The following ANKRD6 variants were observed in gnomAD, a reference collection of about 807,000 sequenced individuals.
The protein encoded by ANKRD6 is ankyrin repeat domain 6, also known as ankyrin repeat domain-containing protein 6.
In ANKRD6, 56 loss-of-function variants were observed where a neutral mutation model predicts 82.3. The observed-to-expected ratio is 0.68, with a 90% CI of 0.55 to 0.85. The LOEUF is 0.85. ANKRD6 is among the 40% of genes least tolerant of loss of function. The probability of loss-of-function intolerance (pLI) is 0.00; values close to 1 mark genes in which losing one functional copy is unlikely to be tolerated. For synonymous variants in ANKRD6, 347 were observed against 352.1 expected (o/e 0.99, Z 0.16); for missense variants, 852 against 907.6 (o/e 0.94, Z 0.79).
chr6:89,587,659 G>C (rs1195242241), intron 2 of ANKRD6, among the ~76,000 whole-genome samples: 3 of 152,126 alleles, frequency 2.0e-5, no homozygotes, highest in Non-Finnish European at 4.4e-5. Flanking sequence ...TTGGCCCCCA[G>C]TGCAGGAATT....
At chr6:89,525,878 T>G (rs147386770) in intron 1 of ANKRD6, among the ~76,000 whole-genome samples, 1 of 152,356 alleles carries the variant, frequency 6.6e-6, no homozygotes, top group African/African-American at 2.4e-5. Flanking sequence ...CTGCAGTTGC[T>G]TATCAGGAAA....
intron 1 of ANKRD6, among the ~76,000 whole-genome samples, chr6:89,560,147 C>A (rs1342057204): frequency 6.6e-6 from 1 of 152,122 alleles, no homozygotes; most frequent in Non-Finnish European, 1.5e-5. Flanking sequence ...CTTGAGCTAC[C>A]ATGTCTGCTT....
At chr6:89,542,724 CTT>C (rs1784585484) in intron 1 of ANKRD6, among the ~76,000 whole-genome samples, 1 of 152,200 alleles carries the variant, frequency 6.6e-6, no homozygotes, top group African/African-American at 2.4e-5. Context: ...AACCTCAAGA[CTT>C]TTGTCTCACT....
At chr6:89,557,641 A>G (rs1018151293) in intron 1 of ANKRD6, among the ~76,000 whole-genome samples, 2 of 152,192 alleles carry the variant, frequency 1.3e-5, no homozygotes, top group Admixed American at 6.5e-5. Flanking sequence ...CAGACCGTGG[A>G]CCAGTACTTG....
At chr6:89,506,233 T>C (rs1055278480) in intron 1 of ANKRD6, among the ~76,000 whole-genome samples, 2 of 152,208 alleles carry the variant, frequency 1.3e-5, no homozygotes, top group African/African-American at 4.8e-5. Context: ...ACTGAGGTGA[T>C]GGATGTGTTA....
At chr6:89,526,435 C>A (rs2127980896) in intron 1 of ANKRD6, among the ~76,000 whole-genome samples, 1 of 152,292 alleles carries the variant, frequency 6.6e-6, no homozygotes, top group South Asian at 2.1e-4. Context: ...GCTGTCAGCC[C>A]ACAGTAGTCC....
chr6:89,569,772 A>T (rs1190583936), intron 2 of ANKRD6, among the ~76,000 whole-genome samples: 1 of 152,156 alleles, frequency 6.6e-6, no homozygotes, highest in Non-Finnish European at 1.5e-5. Context: ...TTTTTTATAC[A>T]TCATTTGCTT....
In ANKRD6 at chr6:89,631,299, A is replaced by G. The variant is rs554052355; in HGVS notation, c.*295A>G. On this transcript the variant is annotated 3_prime_UTR_variant, in exon 16 of 16. Coordinates refer to ENST00000339746, the MANE Select transcript of ANKRD6 (RefSeq NM_001242809.2). Reference sequence around the variant, plus strand: ...AGCTCAGATTAAGCAAGCCATGCCAAGAAACTGGACGATGTGTAAGCCTAG... The same window carrying G: ...AGCTCAGATTAAGCAAGCCATGCCAGGAAACTGGACGATGTGTAAGCCTAG... 3.7e-6 allele frequency: 1 copy of G among 272,976 alleles called. No individual in the cohort carries two copies. The highest frequency in any genetic ancestry group is 4.8e-5 in the Admixed American group (1 of 20,810). The allele number at this position is 272,976 out of a possible 1,614,324, so 16.9% of individuals were successfully genotyped here. A position where few individuals can be genotyped will look rare whatever the true frequency, so the allele number is the denominator to read the frequency against.
chr6:89,531,890 G>T (rs2127991152), intron 1 of ANKRD6, among the ~76,000 whole-genome samples: 1 of 152,330 alleles, frequency 6.6e-6, no homozygotes, highest in East Asian at 1.9e-4. Context: ...TGTAGGGTGG[G>T]TTGGCATGCT....
At chr6:89,630,356 T>C in intron 15 of ANKRD6, 77 bp from the exon 16 acceptor site, 1 of 1,505,908 alleles carries the variant, frequency 6.6e-7, no homozygotes, top group Non-Finnish European at 8.9e-7. Flanking sequence ...TCCTTAAGAC[T>C]CTAAAATACT....
intron 1 of ANKRD6, among the ~76,000 whole-genome samples, chr6:89,470,176 A>C (rs532527715): frequency 1.7e-4 from 26 of 152,314 alleles, no homozygotes; most frequent in African/African-American, 6.0e-4. Context: ...TTTTGTATCA[A>C]TGAAATCACA....
At chr6:89,498,030 C>T (rs925546397) in intron 1 of ANKRD6, among the ~76,000 whole-genome samples, 49 of 152,068 alleles carry the variant, frequency 3.2e-4, no homozygotes, top group Admixed American at 2.9e-3. Context: ...GGTTCATCCA[C>T]GAAGTATATG....
intron 1 of ANKRD6, among the ~76,000 whole-genome samples, chr6:89,545,379 G>A (rs2128016843): frequency 6.6e-6 from 1 of 152,280 alleles, no homozygotes; most frequent in East Asian, 1.9e-4. Flanking sequence ...GGTTGTGACA[G>A]TGGTTTCCTG....
chr6:89,531,922 G>A (rs1237374124), intron 1 of ANKRD6, among the ~76,000 whole-genome samples: 1 of 152,210 alleles, frequency 6.6e-6, no homozygotes. Flanking sequence ...AGAGTCAATG[G>A]TGCGGTTTGA....
intron 1 of ANKRD6, among the ~76,000 whole-genome samples, chr6:89,502,132 A>G (rs1167128363): frequency 6.6e-6 from 1 of 152,144 alleles, no homozygotes; most frequent in Non-Finnish European, 1.5e-5. Context: ...TTTTCCCCCA[A>G]GGTCCACCAT....
chr6:89,443,248 T>A (rs1009510956), intron 1 of ANKRD6, among the ~76,000 whole-genome samples: 1 of 152,150 alleles, frequency 6.6e-6, no homozygotes, highest in Non-Finnish European at 1.5e-5. Context: ...TTTTTCAGGT[T>A]TCTTTGGAAT....
At chr6:89,447,254 CA>C (rs1193760186) in intron 1 of ANKRD6, among the ~76,000 whole-genome samples, 2 of 150,120 alleles carry the variant, frequency 1.3e-5, no homozygotes, top group South Asian at 2.1e-4. Flanking sequence ...GACCCTGTCT[CA>C]AAAAAAAGGG....
chr6:89,581,008 C>T (rs1372128947), intron 2 of ANKRD6, among the ~76,000 whole-genome samples: 2 of 152,140 alleles, frequency 1.3e-5, no homozygotes, highest in East Asian at 1.9e-4. Context: ...CAAAGTTTGC[C>T]TAGTCCTCCT....
intron 1 of ANKRD6, among the ~76,000 whole-genome samples, chr6:89,559,659 G>A (rs188035231): frequency 1.3e-4 from 20 of 152,296 alleles, no homozygotes; most frequent in Admixed American, 5.2e-4. Flanking sequence ...AGGGGTTGAG[G>A]GTGGTGAGAA....
Sources: allele counts gnomAD v4.1 joint callset (sites outside exome capture counted in the v4.1 genomes callset), GRCh38; gene constraint gnomAD v4.1.1; transcripts MANE v1.5; gene names NCBI Gene and HGNC (gene_info 2026-07-23, HGNC 2026-07-21).